The following CWC27 variants were observed in gnomAD, a reference collection of about 807,000 sequenced individuals.
The protein encoded by CWC27 is spliceosome-associated protein CWC27 homolog.
A neutral mutation model predicts 63.6 loss-of-function variants in CWC27; 47 were observed. The ratio of observed to expected loss-of-function variants is 0.74; its 90% CI spans 0.58 to 0.94. The LOEUF (loss-of-function observed/expected upper bound fraction) is 0.94. Ranked by LOEUF, CWC27 falls within the 40% of genes least tolerant of loss-of-function variation. CWC27 has a pLI of 0.00. For missense variants in CWC27, 495 were observed against 554.3 expected (o/e 0.89, Z 1.07); for synonymous variants, 175 against 179.8 (o/e 0.97, Z 0.22).
At chr5:64,786,421 G>A (rs1743887450) in intron 5 of CWC27, 103 bp from the exon 6 acceptor site, 1 of 604,450 alleles carries the variant, frequency 1.7e-6, no homozygotes, top group Admixed American at 3.8e-5. Flanking sequence ...ATGTTTATGT[G>A]GGGAAAAATA....
intron 9 of CWC27, 118 bp from the exon 10 acceptor site, chr5:64,804,109 CAA>C: frequency 1.1e-6 from 1 of 914,528 alleles, no homozygotes; most frequent in Non-Finnish European, 1.5e-6. Context: ...CAAAAGAAAA[CAA>C]AATAAAAAAA....
chr5:64,856,718 A>G (rs999743868), intron 10 of CWC27, among the ~76,000 whole-genome samples: 1 of 152,144 alleles, frequency 6.6e-6, no homozygotes, highest in Admixed American at 6.5e-5. Context: ...AGAGGTTGAA[A>G]TTAAGTTAAA....
At chr5:64,897,829 A>G (rs1747416091) in intron 11 of CWC27, among the ~76,000 whole-genome samples, 1 of 152,226 alleles carries the variant, frequency 6.6e-6, no homozygotes, top group African/African-American at 2.4e-5. Flanking sequence ...CAGAAACTTC[A>G]GTTTACCAGG....
intron 10 of CWC27, among the ~76,000 whole-genome samples, chr5:64,837,094 C>T (rs1372174727): frequency 2.0e-5 from 3 of 152,124 alleles, no homozygotes; most frequent in Middle Eastern, 3.4e-3. Context: ...TGCGTAATTG[C>T]GGTTCACAAG....
chr5:64,929,028 TTTAG>T (rs1353688764), intron 11 of CWC27, among the ~76,000 whole-genome samples: 1 of 151,962 alleles, frequency 6.6e-6, no homozygotes, highest in African/African-American at 2.4e-5. Flanking sequence ...TATGGTAAAG[TTTAG>T]TTAGTTAATA....
At chr5:64,946,394 CTCTT>C (rs1433076165) in intron 11 of CWC27, among the ~76,000 whole-genome samples, 1 of 152,156 alleles carries the variant, frequency 6.6e-6, no homozygotes, top group Non-Finnish European at 1.5e-5. Context: ...GCAATTTATT[CTCTT>C]TGACATTTCA....
chr5:64,781,861 T>G, intron 2 of CWC27, 60 bp from the exon 3 acceptor site: 1 of 797,124 alleles, frequency 1.3e-6, no homozygotes, highest in Non-Finnish European at 2.0e-6. Context: ...GTATTAATTT[T>G]GGTAACTGTA....
At chr5:64,828,208 T>C (rs1745419906) in intron 10 of CWC27, among the ~76,000 whole-genome samples, 1 of 152,160 alleles carries the variant, frequency 6.6e-6, no homozygotes, top group Admixed American at 6.5e-5. Context: ...TAGGCATTTT[T>C]AAAGTAGCTA....
chr5:64,875,810 T>C (rs929102168), intron 10 of CWC27, among the ~76,000 whole-genome samples: 4 of 152,112 alleles, frequency 2.6e-5, no homozygotes, highest in Non-Finnish European at 5.9e-5. Flanking sequence ...TTGTCATTAA[T>C]AGATTCTGTA....
At chr5:64,948,377 TATA>T (rs1748634060) in intron 11 of CWC27, among the ~76,000 whole-genome samples, 1 of 151,988 alleles carries the variant, frequency 6.6e-6, no homozygotes, top group Admixed American at 6.6e-5. Context: ...TAAAAGCCAA[TATA>T]ATATCATCAA....
intron 1 of CWC27, among the ~76,000 whole-genome samples, chr5:64,772,094 A>C (rs762199159): frequency 6.6e-6 from 1 of 152,180 alleles, no homozygotes; most frequent in Non-Finnish European, 1.5e-5. Context: ...GATGTCAGAT[A>C]GTGTGCGCAA....
intron 12 of CWC27, among the ~76,000 whole-genome samples, chr5:64,975,170 T>C (rs1460319936): frequency 1.3e-5 from 2 of 152,234 alleles, no homozygotes; most frequent in African/African-American, 2.4e-5. Context: ...CTTTTTACTA[T>C]CATTTTTAAA....
chr5:64,829,951 T>A lies in CWC27; in HGVS notation c.938+25565T>A, dbSNP rs1458548382. On this transcript the variant is annotated intron_variant, in intron 10 of 13. Transcript: ENST00000381070. ...GAATGGTGGTTTCCAGCTTCATCCA[T>A]GTCCCTGCAAAGAACATGAACTCAT... 5.9e-5 allele frequency among the ~76,000 whole-genome samples: 9 copies of A among 151,304 alleles called. No individual in the cohort carries two copies. The highest frequency in any genetic ancestry group is 1.9e-4 in the African/African-American group (8 of 41,094).
At chr5:64,833,012 C>T (rs1391498155) in intron 10 of CWC27, among the ~76,000 whole-genome samples, 1 of 151,686 alleles carries the variant, frequency 6.6e-6, no homozygotes, top group African/African-American at 2.4e-5. Context: ...CAAGTTGTAA[C>T]CTGAGTTTTC....
At chr5:64,840,361 TTAAAAAAAAAAAAAAAAAA>T (rs1745771747) in intron 10 of CWC27, among the ~76,000 whole-genome samples, 1 of 35,838 alleles carries the variant, frequency 2.8e-5, no homozygotes, top group African/African-American at 1.0e-4. Context: ...TCCTTTTTCA[TTAAAAAAAAAAAAAAAAAA>T]AAAAAAAAAA....
intron 11 of CWC27, among the ~76,000 whole-genome samples, chr5:64,892,344 G>T (rs1407395538): frequency 6.6e-6 from 1 of 151,530 alleles, no homozygotes; most frequent in African/African-American, 2.4e-5. Context: ...TTAGTTGGGG[G>T]TCATTACTGT....
chr5:64,991,329 C>T lies in CWC27; in HGVS notation c.1256+14091C>T, dbSNP rs539008968. ...TTGGGGATAGTACTCTCCAATGTCC[C>T]TTCAATACATGTTAGATATTTACCT... On this transcript the variant is annotated intron_variant, in intron 13 of 13. Coordinates refer to ENST00000381070, the MANE Select transcript of CWC27 (RefSeq NM_005869.4). Among the ~76,000 whole-genome samples, 219 of 152,104 alleles carry T rather than the reference C, an allele frequency of 1.4e-3. 1 individual carries two copies. The highest frequency in any genetic ancestry group is 3.4e-3 in the Middle Eastern group (1 of 294).
At chr5:64,989,166 C>T (rs561018349) in intron 13 of CWC27, among the ~76,000 whole-genome samples, 1 of 152,308 alleles carries the variant, frequency 6.6e-6, no homozygotes, top group African/African-American at 2.4e-5. Context: ...AGGGTTTTAT[C>T]CCATTCTCTT....
At chr5:64,914,713 C>T (rs573630941) in intron 11 of CWC27, among the ~76,000 whole-genome samples, 3 of 152,022 alleles carry the variant, frequency 2.0e-5, no homozygotes, top group Non-Finnish European at 4.4e-5. Flanking sequence ...ACATTTTCTG[C>T]CACAGTTAAA....
Sources: gnomAD v4.1 joint callset for allele counts (sites outside exome capture counted in the v4.1 genomes callset) on GRCh38, gnomAD v4.1.1 for gene constraint, MANE v1.5 for transcripts, NCBI Gene and HGNC (gene_info 2026-07-23, HGNC 2026-07-21) for gene names.